The following DHX15 variants were observed in gnomAD, a reference collection of about 807,000 sequenced individuals.
DHX15 encodes ATP-dependent RNA helicase DHX15.
Under a neutral mutation model 94.4 loss-of-function variants are expected in DHX15, and 11 were observed. That is an observed-to-expected ratio of 0.12 (90% CI 0.07 to 0.19). The LOEUF is 0.19. Ranked by LOEUF, DHX15 falls within the 10% of genes least tolerant of loss-of-function variation. The pLI is 1.00. For synonymous variants in DHX15, 338 were observed against 329.9 expected (o/e 1.02, Z -0.27); for missense variants, 304 against 988.5 (o/e 0.31, Z 9.29).
At chr4:24,531,251 G>A (rs1721078626) in intron 12 of DHX15, among the ~76,000 whole-genome samples, 2 of 152,046 alleles carry the variant, frequency 1.3e-5, no homozygotes, top group African/African-American at 4.8e-5. Flanking sequence ...ACCGCGCCCG[G>A]CTAATTTTTT....
At chr4:24,546,765 G>A (rs559560116) in intron 6 of DHX15, among the ~76,000 whole-genome samples, 1 of 152,070 alleles carries the variant, frequency 6.6e-6, no homozygotes, top group Admixed American at 6.6e-5. Context: ...TTATAAAAGG[G>A]ACTCAAATAT....
intron 5 of DHX15, among the ~76,000 whole-genome samples, chr4:24,552,524 A>C (rs992097158): frequency 1.3e-5 from 2 of 152,188 alleles, no homozygotes; most frequent in Non-Finnish European, 2.9e-5. Flanking sequence ...TTAAATTTTT[A>C]TGAGATTACT....
chr4:24,533,832 A>G (rs1005087346), intron 11 of DHX15: 1 of 152,222 alleles, frequency 6.6e-6, no homozygotes, highest in African/African-American at 2.4e-5. Flanking sequence ...AGGACCTTTG[A>G]TAAATAAAAC....
At chr4:24,557,078 C>T (rs1210207659) in intron 3 of DHX15, among the ~76,000 whole-genome samples, 1 of 151,946 alleles carries the variant, frequency 6.6e-6, no homozygotes, top group African/African-American at 2.4e-5. Context: ...AAAGGGAAAC[C>T]AGGCTTAGTT....
intron 12 of DHX15, chr4:24,530,407 A>G: frequency 6.6e-6 from 1 of 152,608 alleles, no homozygotes; most frequent in Non-Finnish European, 1.5e-5. Context: ...GTGAAACCTC[A>G]TCTCTACTAA....
chr4:24,567,344 A>C (rs6448281), intron 3 of DHX15, among the ~76,000 whole-genome samples: 149,624 of 152,170 alleles, frequency 0.98, 73,604 homozygotes, highest in East Asian at 1. Context: ...TTTGGGAGGC[A>C]GAGGCGGGCG....
chr4:24,544,693 A>G (rs548196177), intron 6 of DHX15, among the ~76,000 whole-genome samples: 1 of 152,352 alleles, frequency 6.6e-6, no homozygotes, highest in South Asian at 2.1e-4. Context: ...CTGAGTGGCT[A>G]AAGTAACTGG....
intron 3 of DHX15, among the ~76,000 whole-genome samples, chr4:24,564,124 G>A (rs1248476087): frequency 1.3e-5 from 2 of 149,740 alleles, no homozygotes; most frequent in Admixed American, 6.6e-5. Flanking sequence ...GGAAATAAAA[G>A]AGGTAGTGTT....
chr4:24,578,981 T>C (rs1722345242), intron 1 of DHX15, among the ~76,000 whole-genome samples: 1 of 152,188 alleles, frequency 6.6e-6, no homozygotes, highest in African/African-American at 2.4e-5. Flanking sequence ...TTGCCTTAGT[T>C]TGTTAAAGTA....
At chr4:24,574,745 T>C (rs76398438) in intron 2 of DHX15, among the ~76,000 whole-genome samples, 3,224 of 152,284 alleles carry the variant, frequency 0.021, 90 homozygotes, top group African/African-American at 0.064. Context: ...TGCAGGGTTA[T>C]AGAAAAACGT....
intron 13 of DHX15, among the ~76,000 whole-genome samples, chr4:24,528,448 T>C (rs1721005836): frequency 1.3e-5 from 2 of 152,340 alleles, no homozygotes; most frequent in South Asian, 4.1e-4. Context: ...AATGTTTTAA[T>C]AACTGTAACT....
At chr4:24,582,664 T>C (rs1024321113) in intron 1 of DHX15, among the ~76,000 whole-genome samples, 24 of 152,350 alleles carry the variant, frequency 1.6e-4, no homozygotes, top group African/African-American at 5.5e-4. Context: ...AACTGTGTGC[T>C]GCTGAGTGAA....
In DHX15 at chr4:24,532,972, T is replaced by G. The variant is rs766014842; in HGVS notation, c.1992A>C (p.Leu664=). Residue 664 remains leucine (L), a synonymous_variant, in exon 12 of 14, where the codon CTA becomes CTC. Coordinates refer to ENST00000336812, the MANE Select transcript of DHX15 (RefSeq NM_001358.3). The part of the protein sequence containing the change: ...LMSADNVRQQ[L]SRIMDRFNLP... ...AATTAAATCTGTCCATAATTCGAGATAGCTGCTGGCGTACATTGTCTGCGG... is the reference window on the plus strand; with the variant it reads ...AATTAAATCTGTCCATAATTCGAGAGAGCTGCTGGCGTACATTGTCTGCGG... 6.2e-7 allele frequency: 1 copy of G among 1,613,978 alleles called. No homozygotes were observed. The highest frequency in any genetic ancestry group is 8.5e-7 in the Non-Finnish European group (1 of 1,179,982).
intron 3 of DHX15, among the ~76,000 whole-genome samples, chr4:24,568,557 A>G (rs1342940262): frequency 6.6e-6 from 1 of 152,184 alleles, no homozygotes; most frequent in Non-Finnish European, 1.5e-5. Flanking sequence ...GAAGTGAACC[A>G]AAATCTTTCA....
rs6813293 is a variant in DHX15, at chr4:24,579,053, C to G, written c.72-2375G>C. Among the ~76,000 whole-genome samples, 270 of 152,150 alleles carry G rather than the reference C, an allele frequency of 1.8e-3. 1 individual carries two copies. Among genetic ancestry groups the G allele is most frequent in the Middle Eastern group, 6.8e-3 (2 of 294 alleles). On this transcript the variant is annotated intron_variant, in intron 1 of 13. Transcript: ENST00000336812. ...TTCATCAGATGCTTCATTACCAAAC[C>G]AAACAAAGGATGTATAAAATACATT...
In DHX15 at chr4:24,553,140, C is replaced by T. The variant is rs559678365; in HGVS notation, c.1080+1585G>A. ...GAGTTCAAGACCAGCCTGACCAACA[C>T]GGAGAAACCCCATCTCTACCAAAAA... On this transcript the variant is annotated intron_variant, in intron 5 of 13. Coordinates refer to ENST00000336812, the MANE Select transcript of DHX15 (RefSeq NM_001358.3). Among the ~76,000 whole-genome samples, 11 of 151,918 alleles carry T rather than the reference C, an allele frequency of 7.2e-5. 1 individual carries two copies. The East Asian group carries it at 1.6e-3, about 22-fold the overall frequency.
At chr4:24,558,281 T>G (rs901558305) in intron 3 of DHX15, among the ~76,000 whole-genome samples, 1 of 152,130 alleles carries the variant, frequency 6.6e-6, no homozygotes, top group African/African-American at 2.4e-5. Context: ...GTGAGACACA[T>G]TGTAACTTCA....
intron 2 of DHX15, among the ~76,000 whole-genome samples, chr4:24,571,815 G>A (rs1722128540): frequency 6.6e-6 from 1 of 152,078 alleles, no homozygotes; most frequent in Non-Finnish European, 1.5e-5. Flanking sequence ...TGCAATTGGG[G>A]GTAACTTGTC....
chr4:24,571,197 CT>C (rs1722115850), intron 2 of DHX15, among the ~76,000 whole-genome samples: 1 of 152,158 alleles, frequency 6.6e-6, no homozygotes, highest in South Asian at 2.1e-4. Flanking sequence ...CTTTTAAATT[CT>C]TACATAATTT....
Sources: gnomAD v4.1 joint callset for allele counts (sites outside exome capture counted in the v4.1 genomes callset) on GRCh38, gnomAD v4.1.1 for gene constraint, MANE v1.5 for transcripts, NCBI Gene and HGNC (gene_info 2026-07-23, HGNC 2026-07-21) for gene names.